USP43: variants seen among roughly 807,000 people sequenced by gnomAD.
USP43 encodes the protein ubiquitin specific peptidase 43, also known as ubiquitin carboxyl-terminal hydrolase 43.
In USP43, 33 loss-of-function variants were observed where a neutral mutation model predicts 90.7. That is an observed-to-expected ratio of 0.36 (90% confidence interval 0.28 to 0.49). USP43 has a LOEUF of 0.49. USP43 is among the 20% of genes least tolerant of loss of function. The pLI, the probability that USP43 is intolerant of heterozygous loss-of-function variation, is 0.98. For synonymous variants in USP43, 598 were observed against 615.8 expected (o/e 0.97, Z 0.43); for missense variants, 1,274 against 1,476.4 (o/e 0.86, Z 2.25).
At chr17:9,695,473 A>C (rs1915204332) in intron 9 of USP43, among the ~76,000 whole-genome samples, 1 of 152,020 alleles carries the variant, frequency 6.6e-6, no homozygotes, top group South Asian at 2.1e-4. Context: ...ATATGGTACT[A>C]CAGGTGCGTG....
At chr17:9,654,869 C>T (rs1912124743) in intron 1 of USP43, among the ~76,000 whole-genome samples, 1 of 151,702 alleles carries the variant, frequency 6.6e-6, no homozygotes, top group Admixed American at 6.6e-5. Flanking sequence ...TCCCAAGTAG[C>T]TGGGGTTTCA....
At position 9,728,806 on chromosome 17, in the gene USP43, T is replaced by C; in HGVS notation, c.3188T>C (p.Val1063Ala). ...RGLGSRLERD[V>A]WSAPSSLRLP... The stretch of plus-strand genomic sequence containing the variant: ...CTGGGCAGCCGGCTCGAGAGGGATG[T>C]CTGGTCAGCCCCCAGCTCTCTCCGC... Residue 1063 changes from valine to alanine, a missense_variant, in exon 15 of 15, where the codon GTC becomes GCC. Transcript: ENST00000285199. This position sits in a 1 kb window ranked among gnomAD's most constrained non-coding sequence, Gnocchi z 6.2. 6.2e-7 allele frequency: 1 copy of C among 1,612,676 alleles called. No homozygotes were observed. Among genetic ancestry groups the C allele is most frequent in the Non-Finnish European group, 8.5e-7 (1 of 1,179,318 alleles).
intron 1 of USP43, among the ~76,000 whole-genome samples, chr17:9,646,558 G>A (rs1421750365): frequency 6.6e-6 from 1 of 152,148 alleles, no homozygotes; most frequent in Non-Finnish European, 1.5e-5. Context: ...TGAATGATGA[G>A]AAGGATGCAG....
intron 1 of USP43, among the ~76,000 whole-genome samples, chr17:9,653,861 G>T (rs970116250): frequency 6.6e-6 from 1 of 152,138 alleles, no homozygotes; most frequent in Admixed American, 6.5e-5. Context: ...CTAGGGGCTG[G>T]GTCCCTCCTT....
At chr17:9,650,695 A>C (rs1316659955) in intron 1 of USP43, among the ~76,000 whole-genome samples, 1 of 152,154 alleles carries the variant, frequency 6.6e-6, no homozygotes, top group Admixed American at 6.6e-5. Flanking sequence ...CCCGGCCAAC[A>C]TACCTATGTT....
chr17:9,654,741 T>C (rs1275262748), intron 1 of USP43, among the ~76,000 whole-genome samples: 2 of 152,028 alleles, frequency 1.3e-5, no homozygotes, highest in Admixed American at 1.3e-4. Flanking sequence ...CCTTTATTTT[T>C]AGTTTTATTT....
intron 5 of USP43, among the ~76,000 whole-genome samples, chr17:9,677,809 T>A (rs1388603988): frequency 6.6e-6 from 1 of 152,220 alleles, no homozygotes; most frequent in Non-Finnish European, 1.5e-5. Flanking sequence ...CAATAACGTC[T>A]ACCTATCTGA....
intron 9 of USP43, among the ~76,000 whole-genome samples, chr17:9,698,911 CA>C (rs941656030): frequency 1.3e-4 from 20 of 152,238 alleles, no homozygotes; most frequent in African/African-American, 4.8e-4. Context: ...TACGTACCCG[CA>C]GACCTCTGCC....
chr17:9,652,450 C>T (rs912774150), intron 1 of USP43, among the ~76,000 whole-genome samples: 1 of 151,890 alleles, frequency 6.6e-6, no homozygotes, highest in African/African-American at 2.4e-5. Flanking sequence ...CAAGCTCCGC[C>T]TCCCGGGTTC....
At chr17:9,708,106 G>A (rs1915990372) in intron 12 of USP43, among the ~76,000 whole-genome samples, 2 of 152,212 alleles carry the variant, frequency 1.3e-5, no homozygotes, top group South Asian at 4.1e-4. Context: ...CGTAGCATGT[G>A]CAAAGGCCCT....
chr17:9,654,447 C>T lies in USP43; in HGVS notation c.505-1956C>T, dbSNP rs115692330. Among the ~76,000 whole-genome samples, 590 of 152,054 alleles carry T rather than the reference C, an allele frequency of 3.9e-3. 7 individuals carry two copies. Among genetic ancestry groups the T allele is most frequent in the African/African-American group, 0.014 (569 of 41,506 alleles). On this transcript the variant is annotated intron_variant, in intron 1 of 14. Transcript: ENST00000285199. ...GCGGGATCACCTGAAATCAGGAGTT[C>T]GAGATCAGCCTGGACAACATGGTGA...
intron 6 of USP43, among the ~76,000 whole-genome samples, chr17:9,681,229 TTA>T (rs1353508290): frequency 1.8e-5 from 2 of 111,596 alleles, no homozygotes; most frequent in Non-Finnish European, 3.3e-5. Flanking sequence ...ATAGAATATA[TTA>T]TATAATATAT....
intron 1 of USP43, among the ~76,000 whole-genome samples, chr17:9,653,484 G>A (rs1023014158): frequency 3.9e-5 from 6 of 152,066 alleles, no homozygotes; most frequent in Non-Finnish European, 8.8e-5. Context: ...GCTACTCAGG[G>A]GGCTGAGGCA....
In USP43 at chr17:9,645,575, G is replaced by A; in HGVS notation, c.-58G>A. 1 of 1,169,328 alleles carries A rather than the reference G, an allele frequency of 8.6e-7. No homozygotes were observed. Among genetic ancestry groups the A allele is most frequent in the Non-Finnish European group, 1.1e-6 (1 of 948,360 alleles). 72.4% of individuals were successfully genotyped at this position (1,169,328 alleles called of 1,614,324 possible). On this transcript the variant is annotated 5_prime_UTR_variant, in exon 1 of 15. Coordinates refer to ENST00000285199, the MANE Select transcript of USP43 (RefSeq NM_153210.5). This position sits in a 1 kb window ranked among gnomAD's most constrained non-coding sequence, Gnocchi z 6.8. ...CTTAGAGAAGCTGTAGGGCCTGCTGGCCGCTCGTCCGCCTCGCGCCCGGGG... is the reference window on the plus strand; with the variant it reads ...CTTAGAGAAGCTGTAGGGCCTGCTGACCGCTCGTCCGCCTCGCGCCCGGGG...
At chr17:9,677,916 G>A (rs1049691569) in intron 5 of USP43, among the ~76,000 whole-genome samples, 1 of 152,104 alleles carries the variant, frequency 6.6e-6, no homozygotes, top group Admixed American at 6.6e-5. Context: ...GCTCCTTTCT[G>A]CCCCTGCCCA....
At position 9,709,990 on chromosome 17, in the gene USP43, C is replaced by T. The variant is rs1248652696; in HGVS notation, c.2046C>T (p.Tyr682=). 2 of 1,540,956 alleles carry T rather than the reference C, an allele frequency of 1.3e-6. No individual in the cohort carries two copies. Among genetic ancestry groups the T allele is most frequent in the Admixed American group, 2.0e-5 (1 of 50,792 alleles). The change falls in exon 13 of 15, where the codon TAC becomes TAT. Residue 682 remains tyrosine, a synonymous_variant. Transcript: ENST00000285199. The surrounding 1 kb of genome is among the most constrained non-coding windows in gnomAD (Gnocchi z 5.0). ...YCRNSLDGQW[Y]SYDDSTVEPL... Reference sequence around the variant, plus strand: ...GGAACTCTCTGGATGGCCAGTGGTACAGTTATGATGACAGCACGGTGGAAC... The same window carrying T: ...GGAACTCTCTGGATGGCCAGTGGTATAGTTATGATGACAGCACGGTGGAAC...
chr17:9,650,402 T>C (rs73255722), intron 1 of USP43, among the ~76,000 whole-genome samples: 3,916 of 152,258 alleles, frequency 0.026, 159 homozygotes, highest in African/African-American at 0.088. Flanking sequence ...ATTGAGTTTT[T>C]GTTGTTGTGG....
At chr17:9,654,451 A>G (rs1912090131) in intron 1 of USP43, among the ~76,000 whole-genome samples, 1 of 152,034 alleles carries the variant, frequency 6.6e-6, no homozygotes, top group Non-Finnish European at 1.5e-5. Flanking sequence ...GGAGTTCGAG[A>G]TCAGCCTGGA....
intron 3 of USP43, among the ~76,000 whole-genome samples, chr17:9,670,703 C>T (rs150297001): frequency 1.4e-4 from 22 of 152,024 alleles, no homozygotes; most frequent in African/African-American, 2.7e-4. Flanking sequence ...TGGGATGAAT[C>T]GGGGGTGGGG....
Sources: gnomAD v4.1 joint callset for allele counts (sites outside exome capture counted in the v4.1 genomes callset) on GRCh38, gnomAD v4.1.1 for gene constraint, Gnocchi (gnomAD v3.1) non-coding constraint, MANE v1.5 for transcripts, NCBI Gene and HGNC (gene_info 2026-07-23, HGNC 2026-07-21) for gene names.